The following CSMD1 variants were observed in gnomAD, a reference collection of about 807,000 sequenced individuals.
The protein encoded by CSMD1 is CUB and sushi domain-containing protein 1.
In CSMD1, 213 loss-of-function variants were observed where a neutral mutation model predicts 417.5. The ratio of observed to expected loss-of-function variants is 0.51; its 90% CI spans 0.46 to 0.57. CSMD1 has a LOEUF of 0.57. Among genes scored for constraint, CSMD1 ranks in the 20% least tolerant of loss-of-function variants. The pLI is 0.00. For synonymous variants in CSMD1, 2,862 were observed against 1,736.8 expected, an observed-to-expected ratio of 1.65 and a Z score of -16.11; for missense variants, 6,923 against 4,529.7, an observed-to-expected ratio of 1.53 and a Z score of -15.17.
intron 1 of CSMD1, among the ~76,000 whole-genome samples, chr8:4,838,063 AG>A (rs1411084269): frequency 6.6e-6 from 1 of 152,202 alleles, no homozygotes; most frequent in Non-Finnish European, 1.5e-5. Flanking sequence ...GTGACCAGGA[AG>A]GGACATAGTG....
chr8:4,077,297 G>GTATATATA (rs200304943), intron 3 of CSMD1, among the ~76,000 whole-genome samples: 4,733 of 120,914 alleles, frequency 0.039, 100 homozygotes, highest in South Asian at 0.11. Flanking sequence ...ATATATATGT[G>GTATATATA]TATATATATA....
At chr8:3,103,905 A>G (rs571086381) in intron 46 of CSMD1, among the ~76,000 whole-genome samples, 5 of 151,682 alleles carry the variant, frequency 3.3e-5, no homozygotes, top group African/African-American at 1.2e-4. Context: ...CACCACACGC[A>G]GCTAATTTTG....
chr8:4,739,866 G>A lies in CSMD1; in HGVS notation c.86-102308C>T, dbSNP rs1810489816. 2.6e-5 allele frequency among the ~76,000 whole-genome samples: 4 copies of A among 152,130 alleles called. No homozygotes were observed. In the South Asian group the frequency reaches 6.2e-4, roughly 24 times the overall value. On this transcript the variant is annotated intron_variant, in intron 1 of 69. Coordinates refer to ENST00000635120, the MANE Select transcript of CSMD1 (RefSeq NM_033225.6). ...ATCCACCGTTCCTACTCTTCCCAGA[G>A]GGATCTTTCTAAAACTCAGCATTGA...
At chr8:3,769,500 AAAT>A (rs149156228) in intron 5 of CSMD1, among the ~76,000 whole-genome samples, 1,777 of 137,112 alleles carry the variant, frequency 0.013, 18 homozygotes, top group South Asian at 0.03. Context: ...GAGGATAAAA[AAAT>A]AAGAAAAAAT....
intron 1 of CSMD1, among the ~76,000 whole-genome samples, chr8:4,717,332 C>A (rs529992293): frequency 1.0e-5 from 1 of 100,316 alleles, no homozygotes; most frequent in Non-Finnish European, 1.9e-5. Flanking sequence ...TATATACACA[C>A]ACACACGTAT....
intron 3 of CSMD1, among the ~76,000 whole-genome samples, chr8:4,319,784 A>T (rs1184251026): frequency 1.3e-5 from 2 of 152,110 alleles, no homozygotes; most frequent in African/African-American, 4.8e-5. Context: ...AATACCAGAG[A>T]GAGAAGAGAG....
chr8:3,225,559 G>A (rs570636079), intron 27 of CSMD1, among the ~76,000 whole-genome samples: 1 of 152,216 alleles, frequency 6.6e-6, no homozygotes, highest in South Asian at 2.1e-4. Flanking sequence ...GTACCTGAAG[G>A]TCTAGAAGAT....
At chr8:3,784,152 T>G (rs531272709) in intron 5 of CSMD1, among the ~76,000 whole-genome samples, 1 of 152,196 alleles carries the variant, frequency 6.6e-6, no homozygotes, top group Non-Finnish European at 1.5e-5. Flanking sequence ...CTCTCTCTCA[T>G]GCATACATAT....
intron 1 of CSMD1, among the ~76,000 whole-genome samples, chr8:4,754,253 A>G (rs915153518): frequency 4.6e-5 from 7 of 152,188 alleles, no homozygotes; most frequent in African/African-American, 7.2e-5. Flanking sequence ...AGAGAAGAAA[A>G]TAAGATTGAC....
chr8:3,827,638 C>G lies in CSMD1; in HGVS notation c.819-73596G>C, dbSNP rs145999216. The stretch of plus-strand genomic sequence containing the variant: ...ATGGAACTAATCTTTCTATAAAAAC[C>G]TCTTCGAATAAAACATGATTTTTGA... On this transcript the variant is annotated intron_variant, in intron 5 of 69. Transcript: ENST00000635120. Among the ~76,000 whole-genome samples, 532 of 152,250 alleles carry G rather than the reference C, an allele frequency of 3.5e-3. 4 individuals carry two copies. Among genetic ancestry groups the G allele is most frequent in the African/African-American group, 0.012 (512 of 41,556 alleles).
intron 1 of CSMD1, among the ~76,000 whole-genome samples, chr8:4,659,224 C>A (rs1429107822): frequency 6.6e-6 from 1 of 151,730 alleles, no homozygotes; most frequent in Non-Finnish European, 1.5e-5. Flanking sequence ...AAACAGTGCT[C>A]AGAGGAAATG....
intron 7 of CSMD1, chr8:3,704,841 G>C (rs753713730): frequency 6.6e-6 from 1 of 152,268 alleles, no homozygotes; most frequent in Non-Finnish European, 1.5e-5. Context: ...TGCACTTGCT[G>C]AACTCTTGCT....
At chr8:3,714,053 T>C (rs975149752) in intron 6 of CSMD1, among the ~76,000 whole-genome samples, 3 of 151,558 alleles carry the variant, frequency 2.0e-5, no homozygotes, top group Non-Finnish European at 4.4e-5. Context: ...GATAGATAGA[T>C]AGATAGATGT....
In CSMD1 at chr8:3,406,011, G is replaced by T. The variant is rs569211195; in HGVS notation, c.2266+16C>A. ...TGATTTCAAAGGAGAAGAGCGGGGGGTGGCAGGGACTGCACCTTCACAGCG... is the reference window on the plus strand; with the variant it reads ...TGATTTCAAAGGAGAAGAGCGGGGGTTGGCAGGGACTGCACCTTCACAGCG... On this transcript the variant is annotated intron_variant, in intron 15 of 69. Coordinates refer to ENST00000635120, the MANE Select transcript of CSMD1 (RefSeq NM_033225.6). The T allele has an allele frequency of 6.2e-7, 1 of 1,610,246 alleles. No individual in the cohort carries two copies. Among genetic ancestry groups the T allele is most frequent in the Non-Finnish European group, 8.5e-7 (1 of 1,177,932 alleles).
intron 53 of CSMD1, among the ~76,000 whole-genome samples, chr8:2,998,757 T>A (rs144510961): frequency 5.4e-4 from 83 of 152,328 alleles, no homozygotes; most frequent in African/African-American, 1.8e-3. Flanking sequence ...TGTCAATATG[T>A]CATGCCCCAG....
intron 3 of CSMD1, among the ~76,000 whole-genome samples, chr8:4,210,644 G>C (rs962328774): frequency 5.9e-5 from 9 of 151,648 alleles, no homozygotes; most frequent in Non-Finnish European, 1.0e-4. Context: ...TATACAATTA[G>C]CCAAGAAAAA....
chr8:3,039,456 C>T (rs1324729773), intron 50 of CSMD1, among the ~76,000 whole-genome samples: 1 of 146,442 alleles, frequency 6.8e-6, no homozygotes, highest in Admixed American at 6.9e-5. Context: ...TCCTTTCCTC[C>T]TTCCTTCCCA....
At chr8:4,276,242 C>A (rs377632161) in intron 3 of CSMD1, among the ~76,000 whole-genome samples, 3 of 152,138 alleles carry the variant, frequency 2.0e-5, no homozygotes, top group African/African-American at 7.2e-5. Context: ...CAACGATAGA[C>A]TGAATTTTAA....
intron 1 of CSMD1, among the ~76,000 whole-genome samples, chr8:4,948,165 C>G (rs73513869): frequency 0.088 from 13,407 of 151,930 alleles, 1,172 homozygotes; most frequent in African/African-American, 0.23. Flanking sequence ...TCCTAATGAT[C>G]AATTTATTTT....
Sources: gnomAD v4.1 joint callset for allele counts (sites outside exome capture counted in the v4.1 genomes callset) on GRCh38, gnomAD v4.1.1 for gene constraint, MANE v1.5 for transcripts, NCBI Gene and HGNC (gene_info 2026-07-23, HGNC 2026-07-21) for gene names.